OFD1: variants seen among roughly 807,000 people sequenced by gnomAD.
OFD1 encodes the protein centriole and centriolar satellite protein OFD1.
OFD1 carries 12 observed loss-of-function variants against 81.4 expected under a neutral mutation model. The ratio of observed to expected loss-of-function variants is 0.15; its 90% CI spans 0.09 to 0.24. The LOEUF (loss-of-function observed/expected upper bound fraction) is 0.24, where lower values mean the gene tolerates loss of function less well. OFD1 is among the 10% of genes least tolerant of loss of function. The probability of loss-of-function intolerance (pLI) is 1.00; values close to 1 mark genes in which losing one functional copy is unlikely to be tolerated. For synonymous variants in OFD1, 256 were observed against 263.7 expected (o/e 0.97, Z 0.28); for missense variants, 685 against 733.9 (o/e 0.93, Z 0.77).
At chrX:13,770,838 A>C (rs962775536), downstream of OFD1, among the ~76,000 whole-genome samples, 1 of 112,437 alleles carries the variant, frequency 8.9e-6, no homozygotes. Flanking sequence ...CACAGATTTG[A>C]TTTCCATACC....
At chrX:13,740,955 G>A (rs1419517681) in intron 5 of OFD1, among the ~76,000 whole-genome samples, 2 of 109,735 alleles carry the variant, frequency 1.8e-5, no homozygotes, top group African/African-American at 3.3e-5. Flanking sequence ...TGGCCAACAT[G>A]GTGAAACCCC....
the OFD1 span, chrX:13,721,040 AAAC>A: frequency 3.6e-5 from 4 of 110,107 alleles, no homozygotes; most frequent in Non-Finnish European, 5.7e-5. Context: ...AAAAAAAAAA[AAAC>A]AGATTGGCAG....
At chrX:13,737,324 A>G (rs2046909952) in intron 3 of OFD1, among the ~76,000 whole-genome samples, 1 of 107,372 alleles carries the variant, frequency 9.3e-6, no homozygotes, top group South Asian at 4.0e-4. Flanking sequence ...CATTAGTACT[A>G]CTTTATTATT....
chrX:13,742,067 A>T (rs1342702191), intron 5 of OFD1, among the ~76,000 whole-genome samples: 1 of 112,324 alleles, frequency 8.9e-6, no homozygotes, highest in Non-Finnish European at 1.9e-5. Flanking sequence ...GAAAATTTGG[A>T]CATCGGCCCT....
the OFD1 span, among the ~76,000 whole-genome samples, chrX:13,725,349 G>A: frequency 7.1e-5 from 8 of 112,301 alleles, no homozygotes; most frequent in African/African-American, 1.3e-4. Context: ...TCCCAGTAGG[G>A]GCCGACAGAC....
At chrX:13,761,064 T>G (rs781097514) in intron 16 of OFD1, 21 bp from the exon 17 acceptor site, 55 of 1,209,149 alleles carry the variant, frequency 4.5e-5, no homozygotes, top group Non-Finnish European at 6.1e-5. Flanking sequence ...TATTCTTGCC[T>G]TGGTTCTTTC....
chrX:13,722,208 C>CCAAAAAA, the OFD1 span: 3 of 36,116 alleles, frequency 8.3e-5, no homozygotes, highest in African/African-American at 3.6e-4. Context: ...TAAGCAGCAG[C>CCAAAAAA]AAAAAAAAAA....
At chrX:13,766,303 C>T (rs1383487432) in intron 19 of OFD1, among the ~76,000 whole-genome samples, 1 of 111,572 alleles carries the variant, frequency 9.0e-6, no homozygotes. Flanking sequence ...TGGGCTGTTT[C>T]AGTAGTCCAG....
At chrX:13,766,022 G>A (rs1392781171) in intron 19 of OFD1, among the ~76,000 whole-genome samples, 2 of 112,069 alleles carry the variant, frequency 1.8e-5, no homozygotes, top group South Asian at 7.4e-4. Flanking sequence ...CAGTGAAGGT[G>A]AATGTCAAGC....
At chrX:13,719,980 C>T in the OFD1 span, 2 of 1,110,650 alleles carry the variant, frequency 1.8e-6, no homozygotes, top group Non-Finnish European at 2.4e-6. Context: ...CAATATATGG[C>T]TCCTAATTAA....
At chrX:13,772,840 CAG>C, downstream of OFD1, 3 of 1,182,773 alleles carry the variant, frequency 2.5e-6, no homozygotes, top group Non-Finnish European at 3.4e-6. Flanking sequence ...GATGATTTGT[CAG>C]AGCTGTAAAT....
upstream of OFD1, chrX:13,734,522 T>G: frequency 3.8e-6 from 1 of 262,507 alleles, no homozygotes; most frequent in Non-Finnish European, 6.0e-6. Context: ...CTCCATTCCC[T>G]ACCTGCAGTG....
In OFD1 at chrX:13,735,057, G is replaced by T. The variant is rs2146902079; in HGVS notation, c.-15G>T. 8.4e-7 allele frequency: 1 copy of T among 1,190,842 alleles called. No homozygotes were observed. On this transcript the variant is annotated 5_prime_UTR_variant, in exon 1 of 23. In the 5' UTR this introduces an upstream ATG that the reference lacks. Coordinates refer to ENST00000340096, the MANE Select transcript of OFD1 (RefSeq NM_003611.3). Reference sequence around the variant, plus strand: ...CGGGGCGAGCGAGGCGGGCTCCGGAGGGAGCTGACGCCTGATGATGGCGCA... The same window carrying T: ...CGGGGCGAGCGAGGCGGGCTCCGGATGGAGCTGACGCCTGATGATGGCGCA...
At chrX:13,773,034 G>C, downstream of OFD1, 3 of 1,207,637 alleles carry the variant, frequency 2.5e-6, no homozygotes, top group Non-Finnish European at 3.4e-6. Context: ...AGTGGATCTG[G>C]AAGAGAAGGG....
At chrX:13,739,860 TTGA>T (rs1312320509) in intron 5 of OFD1, 3 of 753,845 alleles carry the variant, frequency 4.0e-6, no homozygotes, top group African/African-American at 2.3e-5. Flanking sequence ...TTGGTTAGAC[TTGA>T]TGATGGGCTT....
At position 13,739,931 on chromosome X, in the gene OFD1, T is replaced by C. The variant is rs1485096393; in HGVS notation, c.412+899T>C. On this transcript the variant is annotated intron_variant, in intron 5 of 22. Transcript: ENST00000340096. ...TGATGCATAGTTATTCTTTAGGTCT[T>C]TTAAAATAATCTGTTAGTAATAGTC... 4 of 752,527 alleles carry C rather than the reference T, an allele frequency of 5.3e-6. No individual in the cohort carries two copies. In the East Asian group the frequency reaches 6.0e-4, roughly 114 times the overall value. 62.0% of individuals were successfully genotyped at this position (752,527 alleles called of 1,213,427 possible).
chrX:13,733,565 C>T (rs1268174309), upstream of OFD1, among the ~76,000 whole-genome samples: 1 of 111,829 alleles, frequency 8.9e-6, no homozygotes, highest in East Asian at 2.8e-4. Flanking sequence ...CTTACTGCCT[C>T]TTAAATACTT....
At chrX:13,730,991 A>C (rs112820538), upstream of OFD1, among the ~76,000 whole-genome samples, 921 of 111,156 alleles carry the variant, frequency 8.3e-3, 9 homozygotes, top group African/African-American at 0.029. Flanking sequence ...GGGTGCAGCA[A>C]ACCAACATGG....
At chrX:13,759,900 A>T (rs2047860204) in intron 15 of OFD1, among the ~76,000 whole-genome samples, 1 of 112,291 alleles carries the variant, frequency 8.9e-6, no homozygotes, top group South Asian at 3.6e-4. Flanking sequence ...GGATTCTGAA[A>T]TTATATCATG....
Sources: allele counts gnomAD v4.1 joint callset (sites outside exome capture counted in the v4.1 genomes callset), GRCh38; gene constraint gnomAD v4.1.1; transcripts MANE v1.5; gene names NCBI Gene and HGNC (gene_info 2026-07-23, HGNC 2026-07-21).